NTM: variants seen among roughly 807,000 people sequenced by gnomAD.
NTM encodes the protein neurotrimin, also known as IgLON family member 2.
In NTM, 13 loss-of-function variants were observed where a neutral mutation model predicts 42.1. The observed-to-expected ratio is 0.31, with a 90% CI of 0.20 to 0.49. The LOEUF (loss-of-function observed/expected upper bound fraction) is 0.49. Among genes scored for constraint, NTM ranks in the 20% least tolerant of loss-of-function variants. The pLI is 0.99. For missense variants in NTM, 373 were observed against 452.8 expected (o/e 0.82, Z 1.60); for synonymous variants, 187 against 179.2 (o/e 1.04, Z -0.35).
At chr11:132,204,116 C>T (rs1402757033) in intron 3 of NTM, among the ~76,000 whole-genome samples, 2 of 152,144 alleles carry the variant, frequency 1.3e-5, no homozygotes, top group African/African-American at 2.4e-5. Context: ...TCCAGGTAGA[C>T]CTGGGCAGTT....
intron 2 of NTM, among the ~76,000 whole-genome samples, chr11:131,953,888 T>C (rs962728578): frequency 2.0e-5 from 3 of 152,154 alleles, no homozygotes; most frequent in African/African-American, 7.2e-5. Context: ...AATGTAGACC[T>C]TTAACGTGAA....
intron 1 of NTM, among the ~76,000 whole-genome samples, chr11:131,524,995 C>T (rs1347762403): frequency 6.6e-6 from 1 of 151,872 alleles, no homozygotes; most frequent in African/African-American, 2.4e-5. Flanking sequence ...ACAGGGGATG[C>T]CTGATAAATG....
chr11:131,495,162 T>G (rs1955203125), intron 1 of NTM, among the ~76,000 whole-genome samples: 1 of 152,122 alleles, frequency 6.6e-6, no homozygotes, highest in Non-Finnish European at 1.5e-5. Context: ...CTCTCCACTT[T>G]CACTGTTTTT....
chr11:132,177,751 C>G (rs918958377), intron 3 of NTM, among the ~76,000 whole-genome samples: 2 of 152,180 alleles, frequency 1.3e-5, no homozygotes, highest in Non-Finnish European at 2.9e-5. Context: ...GGCAATGAAG[C>G]CCCAATGGGG....
intron 4 of NTM, among the ~76,000 whole-genome samples, chr11:132,221,823 G>A (rs1389623796): frequency 1.3e-5 from 2 of 152,150 alleles, no homozygotes. Flanking sequence ...GGCAGGAGAA[G>A]GAATTTGCCC....
chr11:131,467,555 C>G (rs552042093), intron 1 of NTM, among the ~76,000 whole-genome samples: 2 of 152,314 alleles, frequency 1.3e-5, no homozygotes, highest in South Asian at 2.1e-4. Context: ...AGGTAGAAAC[C>G]TGCTCTGGCT....
At chr11:131,476,044 GAAGA>G (rs1257715127) in intron 1 of NTM, among the ~76,000 whole-genome samples, 2 of 152,124 alleles carry the variant, frequency 1.3e-5, no homozygotes, top group Admixed American at 6.5e-5. Flanking sequence ...AGGAAAAAAG[GAAGA>G]AAGGAAGGAG....
At chr11:131,372,045 C>T (rs1260427559) in intron 1 of NTM, among the ~76,000 whole-genome samples, 2 of 152,192 alleles carry the variant, frequency 1.3e-5, no homozygotes, top group Non-Finnish European at 2.9e-5. Flanking sequence ...CTGATCTGGA[C>T]TGAGTCCTGA....
chr11:132,193,628 C>T (rs577581980), intron 3 of NTM, among the ~76,000 whole-genome samples: 18 of 151,832 alleles, frequency 1.2e-4, no homozygotes, highest in South Asian at 4.2e-4. Flanking sequence ...GCAAACCAAA[C>T]GCCAAAGATA....
At chr11:131,835,946 C>G (rs530921509) in intron 1 of NTM, among the ~76,000 whole-genome samples, 3 of 152,206 alleles carry the variant, frequency 2.0e-5, no homozygotes, top group Admixed American at 2.0e-4. Flanking sequence ...CAAAAGAAGT[C>G]AGACACTGAA....
intron 1 of NTM, among the ~76,000 whole-genome samples, chr11:131,424,726 AT>A (rs71475756): frequency 7.4e-4 from 90 of 122,176 alleles, no homozygotes; most frequent in East Asian, 1.4e-3. Flanking sequence ...TGCCTGGCTA[AT>A]TTTTTTTTTT....
intron 4 of NTM, among the ~76,000 whole-genome samples, chr11:132,279,436 A>C (rs1325803984): frequency 1.3e-5 from 2 of 152,162 alleles, no homozygotes; most frequent in Non-Finnish European, 2.9e-5. Context: ...ATCATCCAAG[A>C]TTCTCAGGAG....
chr11:131,883,233 A>G (rs555312574), intron 1 of NTM, among the ~76,000 whole-genome samples: 1 of 152,348 alleles, frequency 6.6e-6, no homozygotes, highest in African/African-American at 2.4e-5. Flanking sequence ...CTAATAATTA[A>G]AAAGGAAAAG....
At chr11:131,664,051 G>T (rs571218913) in intron 1 of NTM, among the ~76,000 whole-genome samples, 5 of 152,200 alleles carry the variant, frequency 3.3e-5, no homozygotes, top group Non-Finnish European at 7.3e-5. Flanking sequence ...CCCTGGGCTC[G>T]CTCCCCTCTA....
rs142578858 is a variant in NTM at position 131,640,494 on chromosome 11, C to T, written c.82+269606C>T. ...GGTGTTGCCTGAACCATGAGATTGA[C>T]CTAATTTGCCATCTTTTTTTCTTGC... On this transcript the variant is annotated intron_variant, in intron 1 of 8. Transcript: ENST00000683400. Among the ~76,000 whole-genome samples, 8 of 152,200 alleles carry T rather than the reference C, an allele frequency of 5.3e-5. 1 individual carries two copies. Among genetic ancestry groups the T allele is most frequent in the Admixed American group, 1.3e-4 (2 of 15,280 alleles).
At chr11:132,101,781 T>A (rs572660290) in intron 2 of NTM, among the ~76,000 whole-genome samples, 1 of 152,322 alleles carries the variant, frequency 6.6e-6, no homozygotes. Context: ...CATAATTCAC[T>A]ATCTCATTTC....
At chr11:132,139,703 G>C (rs1370812668) in intron 2 of NTM, among the ~76,000 whole-genome samples, 2 of 152,182 alleles carry the variant, frequency 1.3e-5, no homozygotes, top group African/African-American at 4.8e-5. Context: ...TTGTATTTGT[G>C]AGTGCAGGTT....
intron 2 of NTM, among the ~76,000 whole-genome samples, chr11:132,140,213 C>A (rs916507795): frequency 1.3e-5 from 2 of 152,186 alleles, no homozygotes; most frequent in Non-Finnish European, 2.9e-5. Context: ...ACTTCAGACC[C>A]TATTCTCTTT....
chr11:131,639,018 T>A (rs2064797244), intron 1 of NTM, among the ~76,000 whole-genome samples: 1 of 152,222 alleles, frequency 6.6e-6, no homozygotes, highest in Non-Finnish European at 1.5e-5. Context: ...ATTATACTCA[T>A]TTGATATATG....
Sources: gnomAD v4.1 joint callset for allele counts (sites outside exome capture counted in the v4.1 genomes callset) on GRCh38, gnomAD v4.1.1 for gene constraint, MANE v1.5 for transcripts, NCBI Gene and HGNC (gene_info 2026-07-23, HGNC 2026-07-21) for gene names.